ADAM32: variants seen among roughly 807,000 people sequenced by gnomAD.
The protein encoded by ADAM32 is ADAM metallopeptidase domain 32, also known as disintegrin and metalloproteinase domain-containing protein 32.
ADAM32 carries 89 observed loss-of-function variants against 114.9 expected under a neutral mutation model. The ratio of observed to expected loss-of-function variants is 0.77; its 90% CI spans 0.65 to 0.92. The LOEUF is 0.92. Ranked by LOEUF, ADAM32 falls within the 40% of genes least tolerant of loss-of-function variation. The pLI is 0.00. For synonymous variants in ADAM32, 285 were observed against 307.5 expected, an observed-to-expected ratio of 0.93 and a Z score of 0.77; for missense variants, 870 against 932.8, an observed-to-expected ratio of 0.93 and a Z score of 0.88.
At chr8:39,182,070 C>G (rs1805933112) in intron 10 of ADAM32, among the ~76,000 whole-genome samples, 1 of 152,126 alleles carries the variant, frequency 6.6e-6, no homozygotes, top group South Asian at 2.1e-4. Context: ...TATATCAAGA[C>G]ATTATAAACA....
Position 39,169,913 on chromosome 8 carries a change from T to C in ADAM32, c.834-3T>C. 2 of 1,544,582 alleles carry C rather than the reference T, an allele frequency of 1.3e-6. No individual in the cohort carries two copies. The highest frequency in any genetic ancestry group is 1.8e-6 in the Non-Finnish European group (2 of 1,130,866). ...AATTATAAATGTAAATTTATTTATT[T>C]AGTTATATGGATTATCCTCGTTATT... On this transcript the variant is annotated splice_polypyrimidine_tract_variant and splice_region_variant and intron_variant, in intron 9 of 24. Transcript: ENST00000379907.
chr8:39,172,183 T>C (rs1239392125), intron 10 of ADAM32, among the ~76,000 whole-genome samples: 1 of 152,138 alleles, frequency 6.6e-6, no homozygotes, highest in African/African-American at 2.4e-5. Context: ...TTGTTATGGG[T>C]GAAACCAACT....
chr8:39,266,425 G>A (rs1430569394), intron 19 of ADAM32, among the ~76,000 whole-genome samples: 2 of 152,160 alleles, frequency 1.3e-5, no homozygotes, highest in Non-Finnish European at 2.9e-5. Context: ...CAAGCTCTGA[G>A]ATTCTTTCCT....
At chr8:39,234,437 C>A (rs1809967348) in intron 16 of ADAM32, among the ~76,000 whole-genome samples, 1 of 152,126 alleles carries the variant, frequency 6.6e-6, no homozygotes, top group African/African-American at 2.4e-5. Flanking sequence ...ACATAAATCT[C>A]TTTGTGGCCC....
At chr8:39,163,091 G>C (rs916722128) in intron 7 of ADAM32, among the ~76,000 whole-genome samples, 3 of 152,166 alleles carry the variant, frequency 2.0e-5, no homozygotes, top group Non-Finnish European at 4.4e-5. Context: ...ATGGCATAGT[G>C]AATTCATTGC....
chr8:39,223,344 G>A (rs1809116474), intron 14 of ADAM32, 106 bp downstream of exon 14: 1 of 622,050 alleles, frequency 1.6e-6, no homozygotes, highest in African/African-American at 1.9e-5. Flanking sequence ...GTTTTATATA[G>A]TATAAAATGT....
chr8:39,147,717 G>A (rs961375598), intron 4 of ADAM32, among the ~76,000 whole-genome samples: 2 of 151,666 alleles, frequency 1.3e-5, no homozygotes, highest in Non-Finnish European at 2.9e-5. Flanking sequence ...ATAACTTCCT[G>A]AATAATCTCC....
At chr8:39,187,723 A>G (rs1585491479) in intron 11 of ADAM32, among the ~76,000 whole-genome samples, 3 of 152,114 alleles carry the variant, frequency 2.0e-5, no homozygotes, top group African/African-American at 4.8e-5. Context: ...CAAAATATAT[A>G]TATATATATG....
intron 6 of ADAM32, chr8:39,157,528 G>C: frequency 2.1e-6 from 1 of 471,740 alleles, no homozygotes; most frequent in East Asian, 5.6e-5. Context: ...TGTACAATCT[G>C]TTCCTGGCAT....
At chr8:39,243,811 G>C (rs992088144) in intron 16 of ADAM32, among the ~76,000 whole-genome samples, 1 of 150,686 alleles carries the variant, frequency 6.6e-6, no homozygotes, top group Non-Finnish European at 1.5e-5. Context: ...AAGAAAGAAA[G>C]AGTATTCAAA....
At chr8:39,284,700 A>G (rs1215974323) in intron 24 of ADAM32, 93 bp from the exon 25 acceptor site, 1 of 1,409,800 alleles carries the variant, frequency 7.1e-7, no homozygotes, top group African/African-American at 1.4e-5. Flanking sequence ...TGCCACATGA[A>G]TTTTCCACTT....
intron 17 of ADAM32, among the ~76,000 whole-genome samples, chr8:39,254,075 T>C (rs1404113573): frequency 6.6e-6 from 1 of 151,668 alleles, no homozygotes; most frequent in Admixed American, 6.6e-5. Flanking sequence ...GATAGACTCA[T>C]ATATGCTGGC....
chr8:39,140,880 G>T (rs1390550908), intron 3 of ADAM32, among the ~76,000 whole-genome samples: 1 of 152,026 alleles, frequency 6.6e-6, no homozygotes, highest in African/African-American at 2.4e-5. Flanking sequence ...TTTAGTCTTG[G>T]GCGGGTGCAC....
intron 6 of ADAM32, 125 bp downstream of exon 6, chr8:39,151,673 A>C: frequency 1.8e-6 from 1 of 564,498 alleles, no homozygotes. Context: ...TGAACATCTT[A>C]TCTTTTTTTT....
chr8:39,187,281 A>AT (rs55892453), intron 11 of ADAM32, among the ~76,000 whole-genome samples: 37,517 of 151,920 alleles, frequency 0.25, 5,010 homozygotes, highest in Non-Finnish European at 0.29. Flanking sequence ...CTTAGTATGG[A>AT]TTTTTTTTGA....
At chr8:39,247,792 T>G (rs1811023495) in intron 17 of ADAM32, among the ~76,000 whole-genome samples, 1 of 150,566 alleles carries the variant, frequency 6.6e-6, no homozygotes, top group African/African-American at 2.4e-5. Context: ...TTTTTTTTTT[T>G]CTGAGTTATC....
chr8:39,203,996 G>A (rs1321721908), intron 11 of ADAM32, among the ~76,000 whole-genome samples: 1 of 152,210 alleles, frequency 6.6e-6, no homozygotes, highest in African/African-American at 2.4e-5. Context: ...TCTGCTGAGA[G>A]ATCCGCTGTT....
intron 19 of ADAM32, among the ~76,000 whole-genome samples, chr8:39,267,648 G>A (rs1585685380): frequency 6.6e-6 from 1 of 152,226 alleles, no homozygotes; most frequent in Non-Finnish European, 1.5e-5. Context: ...GCTTCTCATA[G>A]TTCTGGTTGC....
intron 2 of ADAM32, among the ~76,000 whole-genome samples, chr8:39,127,491 G>T (rs1338250846): frequency 1.3e-5 from 2 of 152,092 alleles, no homozygotes; most frequent in African/African-American, 4.8e-5. Context: ...ATTCTCTGAT[G>T]ATTGTTTGTA....
Sources: gnomAD v4.1 joint callset for allele counts (sites outside exome capture counted in the v4.1 genomes callset) on GRCh38, gnomAD v4.1.1 for gene constraint, MANE v1.5 for transcripts, NCBI Gene and HGNC (gene_info 2026-07-23, HGNC 2026-07-21) for gene names.